HBS1L: variants seen among roughly 807,000 people sequenced by gnomAD.
HBS1L encodes HBS1 like translational GTPase, also known as HBS1-like protein.
In HBS1L, 55 loss-of-function variants were observed where a neutral mutation model predicts 88.9. The ratio of observed to expected loss-of-function variants is 0.62; its 90% CI spans 0.50 to 0.77. The LOEUF (loss-of-function observed/expected upper bound fraction) is 0.77, where lower values mean the gene tolerates loss of function less well. Ranked by LOEUF, HBS1L falls within the 30% of genes least tolerant of loss-of-function variation. The pLI is 0.00. For synonymous variants in HBS1L, 267 were observed against 288.5 expected (o/e 0.93, Z 0.76); for missense variants, 741 against 829.3 (o/e 0.89, Z 1.31).
intron 16 of HBS1L, among the ~76,000 whole-genome samples, chr6:134,968,910 T>C (rs565438355): frequency 2.6e-4 from 40 of 152,312 alleles, no homozygotes; most frequent in African/African-American, 7.5e-4. Context: ...TGTCTAGACA[T>C]ATTTTTTTAA....
chr6:135,007,682 A>C (rs565992951), intron 4 of HBS1L, among the ~76,000 whole-genome samples: 23 of 152,328 alleles, frequency 1.5e-4, no homozygotes, highest in Admixed American at 1.3e-3. Context: ...ACTCATAACT[A>C]AAATAGCAAG....
At chr6:135,047,331 C>T (rs140038850) in intron 2 of HBS1L, among the ~76,000 whole-genome samples, 1 of 152,188 alleles carries the variant, frequency 6.6e-6, no homozygotes, top group African/African-American at 2.4e-5. Flanking sequence ...TTCAGTAATC[C>T]CCCCTCTGAA....
Position 134,979,222 on chromosome 6 carries a change from A to G in HBS1L, c.1644T>C (p.Asp548=). 4 of 1,612,292 alleles carry G rather than the reference A, an allele frequency of 2.5e-6. No individual in the cohort carries two copies. Among genetic ancestry groups the G allele is most frequent in the Non-Finnish European group, 3.4e-6 (4 of 1,178,718 alleles). Residue 548 remains aspartate (D), a synonymous_variant, in exon 14 of 18, where the codon GAT becomes GAC. Transcript: ENST00000367837. ...DEPVDWAAAG[D]HVSLTLVGMD... ...TCCCAACCAAAGTAAGACTAACATG[A>G]TCGCCTGCTGCCGCCCAGTCGACAG...
intron 2 of HBS1L, among the ~76,000 whole-genome samples, chr6:135,042,616 C>G (rs957810437): frequency 1.4e-4 from 21 of 152,080 alleles, no homozygotes; most frequent in Non-Finnish European, 2.8e-4. Context: ...CGAGACCAGC[C>G]TGGCAAATAC....
rs1774175301 is a variant in HBS1L, at chr6:134,961,079, T to TA, written c.*4199dup. On this transcript the variant is annotated 3_prime_UTR_variant, in exon 18 of 18. Coordinates refer to ENST00000367837, the MANE Select transcript of HBS1L (RefSeq NM_006620.4). The stretch of plus-strand genomic sequence containing the variant: ...CTTTCCATCTTTTGCTGTACAGACT[T>TA]AGTTTCTTTGCTTTTTTTTTTTTTT... 2 of 144,020 alleles carry TA rather than the reference T, an allele frequency of 1.4e-5. No individual in the cohort carries two copies. Among genetic ancestry groups the TA allele is most frequent in the East Asian group, 4.3e-4 (2 of 4,680 alleles). 8.9% of individuals were successfully genotyped at this position (144,020 alleles called of 1,614,324 possible).
chr6:135,034,807 G>A (rs189485479), intron 4 of HBS1L, among the ~76,000 whole-genome samples: 2 of 152,270 alleles, frequency 1.3e-5, no homozygotes, highest in Admixed American at 1.3e-4. Context: ...TTGGTCAGAT[G>A]TTATTCTTGG....
At position 135,049,021 on chromosome 6, in the gene HBS1L, A is replaced by C. The variant is rs549258601; in HGVS notation, c.109+1561T>G. ...CATATTTGGTCTGCAGAGGCTAAAA[A>C]TAGGATGAAAGCAGGTACAGTTTAT... On this transcript the variant is annotated intron_variant, in intron 2 of 17. Coordinates refer to ENST00000367837, the MANE Select transcript of HBS1L (RefSeq NM_006620.4). Among the ~76,000 whole-genome samples the C allele has an allele frequency of 3.9e-5, 6 of 152,196 alleles. No homozygotes were observed. In the East Asian group the frequency reaches 7.7e-4, roughly 20 times the overall value.
intron 4 of HBS1L, among the ~76,000 whole-genome samples, chr6:135,018,691 T>C (rs1057454651): frequency 6.6e-6 from 1 of 151,924 alleles, no homozygotes; most frequent in African/African-American, 2.4e-5. Context: ...CTGAAAACTT[T>C]GTTGGACTAG....
At chr6:135,017,306 A>G (rs1056700734) in intron 4 of HBS1L, among the ~76,000 whole-genome samples, 1 of 152,160 alleles carries the variant, frequency 6.6e-6, no homozygotes, top group African/African-American at 2.4e-5. Flanking sequence ...TTGACATAAA[A>G]TAGGGTACTA....
At chr6:135,031,833 T>C (rs1216292038) in intron 4 of HBS1L, among the ~76,000 whole-genome samples, 2 of 151,766 alleles carry the variant, frequency 1.3e-5, no homozygotes, top group East Asian at 3.9e-4. Context: ...AGTTTTGTTT[T>C]TTCTTTTTTT....
At chr6:135,033,661 A>G (rs1438803752) in intron 4 of HBS1L, among the ~76,000 whole-genome samples, 1 of 152,164 alleles carries the variant, frequency 6.6e-6, no homozygotes. Context: ...TCAGCCAACA[A>G]ATGGAGACCT....
rs149636925 is a variant in HBS1L at position 134,979,150 on chromosome 6, G to A, written c.1688+28C>T. The A allele has an allele frequency of 9.4e-5, 143 of 1,522,472 alleles. 2 individuals carry two copies. The East Asian group carries it at 1.5e-3, about 16-fold the overall frequency. The allele number at this position is 1,522,472 out of a possible 1,614,324, so 94.3% of individuals were successfully genotyped here. ...AGGTGAGGTCCTATATGAAGACAAC[G>A]GTTGCTTAAACTCATTTTCTCACTC... On this transcript the variant is annotated intron_variant, in intron 14 of 17. Coordinates refer to ENST00000367837, the MANE Select transcript of HBS1L (RefSeq NM_006620.4).
rs150037339 is a variant in HBS1L at position 135,047,380 on chromosome 6, C to G, written c.109+3202G>C. Among the ~76,000 whole-genome samples the G allele has an allele frequency of 5.9e-5, 9 of 152,342 alleles. No homozygotes were observed. The East Asian group carries it at 1.3e-3, about 23-fold the overall frequency. ...ATACAAAGCCATATTCAACCAACTT[C>G]CAAGTCCTGCAGACCTCAACTCCTG... On this transcript the variant is annotated intron_variant, in intron 2 of 17. Transcript: ENST00000367837.
At chr6:134,981,182 A>G (rs1583068836) in intron 13 of HBS1L, among the ~76,000 whole-genome samples, 1 of 151,948 alleles carries the variant, frequency 6.6e-6, no homozygotes, top group African/African-American at 2.4e-5. Context: ...GCTCTTAATC[A>G]TAAAAAAATT....
At chr6:135,032,084 A>AC (rs1562307875) in intron 4 of HBS1L, among the ~76,000 whole-genome samples, 4 of 151,868 alleles carry the variant, frequency 2.6e-5, no homozygotes, top group Non-Finnish European at 5.9e-5. Context: ...GAATATATAA[A>AC]ATTTTACCCC....
chr6:135,030,198 A>G (rs1188278980), intron 4 of HBS1L, among the ~76,000 whole-genome samples: 1 of 152,206 alleles, frequency 6.6e-6, no homozygotes, highest in Non-Finnish European at 1.5e-5. Context: ...TACAACAAAC[A>G]CAGAGGATAC....
chr6:134,988,770 CTT>C (rs1775052336), intron 8 of HBS1L, among the ~76,000 whole-genome samples: 1 of 152,104 alleles, frequency 6.6e-6, no homozygotes, highest in Non-Finnish European at 1.5e-5. Flanking sequence ...GTATCAAGAA[CTT>C]AAAAATTACA....
rs903480068 is a variant in HBS1L at position 134,963,260 on chromosome 6, T to C, written c.*2019A>G. ...AAACACAGGATATCCTAGGGAAGTA[T>C]TAATAAATAAAATTCAATCATAGTC... On this transcript the variant is annotated 3_prime_UTR_variant, in exon 18 of 18. Transcript: ENST00000367837. 3 of 152,170 alleles carry C rather than the reference T, an allele frequency of 2.0e-5. No homozygotes were observed. Among genetic ancestry groups the C allele is most frequent in the Non-Finnish European group, 2.9e-5 (2 of 68,024 alleles). 9.4% of individuals were successfully genotyped at this position (152,170 alleles called of 1,614,324 possible).
intron 4 of HBS1L, among the ~76,000 whole-genome samples, chr6:135,003,207 C>T (rs1004986397): frequency 3.9e-5 from 6 of 152,134 alleles, no homozygotes; most frequent in African/African-American, 1.4e-4. Flanking sequence ...TTTCACAATA[C>T]TAAAATTGTT....
Sources: gnomAD v4.1 joint callset for allele counts (sites outside exome capture counted in the v4.1 genomes callset) on GRCh38, gnomAD v4.1.1 for gene constraint, MANE v1.5 for transcripts, NCBI Gene and HGNC (gene_info 2026-07-23, HGNC 2026-07-21) for gene names.